Variants in LRCH1 observed in about 807,000 individuals in gnomAD.
LRCH1 encodes leucine-rich repeat and calponin homology domain-containing protein 1.
Under a neutral mutation model 94.9 loss-of-function variants are expected in LRCH1, and 23 were observed. That is an observed-to-expected ratio of 0.24 (90% CI 0.17 to 0.34). The LOEUF (loss-of-function observed/expected upper bound fraction) is 0.34, where lower values mean the gene tolerates loss of function less well. Among genes scored for constraint, LRCH1 ranks in the 10% least tolerant of loss-of-function variants. The probability of loss-of-function intolerance (pLI) is 1.00; values close to 1 mark genes in which losing one functional copy is unlikely to be tolerated. For missense variants in LRCH1, 790 were observed against 945.9 expected (o/e 0.84, Z 2.16); for synonymous variants, 364 against 354.9 (o/e 1.03, Z -0.29).
At chr13:46,562,304 C>T (rs1159294599) in intron 1 of LRCH1, among the ~76,000 whole-genome samples, 1 of 152,198 alleles carries the variant, frequency 6.6e-6, no homozygotes, top group African/African-American at 2.4e-5. Flanking sequence ...GTGGCTTAGA[C>T]AACAGAAATT....
In LRCH1 at chr13:46,558,572, C is replaced by CAAAAAAAAAAAAAAAAA. The variant is rs575874794; in HGVS notation, c.307+4879_307+4895dup. 1.4e-3 allele frequency among the ~76,000 whole-genome samples: 48 copies of CAAAAAAAAAAAAAAAAA among 34,388 alleles called. 4 individuals are homozygous for CAAAAAAAAAAAAAAAAA. The highest frequency in any genetic ancestry group is 2.8e-3 in the East Asian group (3 of 1,060). 22.6% of individuals were successfully genotyped at this position (34,388 alleles called of 152,430 possible). A position where few individuals can be genotyped will look rare whatever the true frequency, so the allele number is the denominator to read the frequency against. On this transcript the variant is annotated intron_variant, in intron 1 of 19. Transcript: ENST00000389797. ...CCAAGACGGTGAAACCCTGTGTCTA[C>CAAAAAAAAAAAAAAAAA]AAAAAAAAAAAAAAAAAAAAAAAAA...
At chr13:46,561,578 T>C (rs79104838) in intron 1 of LRCH1, among the ~76,000 whole-genome samples, 1 of 152,230 alleles carries the variant, frequency 6.6e-6, no homozygotes, top group African/African-American at 2.4e-5. Flanking sequence ...TTTTGATGTT[T>C]ATGCCATACA....
intron 3 of LRCH1, among the ~76,000 whole-genome samples, chr13:46,669,796 C>A (rs1402087031): frequency 6.6e-6 from 1 of 151,898 alleles, no homozygotes; most frequent in Admixed American, 6.6e-5. Context: ...TTCCATTGAG[C>A]TAACATAGGT....
At position 46,723,292 on chromosome 13, in the gene LRCH1, A is replaced by G; in HGVS notation, c.1831A>G (p.Met611Val). 1 of 1,613,830 alleles carries G rather than the reference A, an allele frequency of 6.2e-7. No homozygotes were observed. The highest frequency in any genetic ancestry group is 8.5e-7 in the Non-Finnish European group (1 of 1,179,682). Reference protein sequence around the residue: ...QFTIRRKMEQMREEKELVEQL... With the variant: ...QFTIRRKMEQVREEKELVEQL... Reference sequence around the variant, plus strand: ...TACAATCCGGAGGAAAATGGAGCAGATGAGAGAAGAGAAAGAGCTGGTGGA... The same window carrying G: ...TACAATCCGGAGGAAAATGGAGCAGGTGAGAGAAGAGAAAGAGCTGGTGGA... Residue 611 changes from methionine (M) to valine (V), a missense_variant, in exon 17 of 20, where the codon ATG (methionine) becomes GTG (valine). Physicochemically the swap from Met to Val is conservative, Grantham distance 21. This residue lies in a region of LRCH1 where 460 missense variants were observed against 508.9 expected (regional missense o/e 0.90). Transcript: ENST00000389797.
chr13:46,717,124 G>A (rs9590988), intron 16 of LRCH1, among the ~76,000 whole-genome samples: 2,771 of 151,718 alleles, frequency 0.018, 70 homozygotes, highest in African/African-American at 0.063. Context: ...CTTTATAGAC[G>A]AACAGACTAA....
chr13:46,589,411 C>T (rs917720655), intron 1 of LRCH1, among the ~76,000 whole-genome samples: 6 of 151,836 alleles, frequency 4.0e-5, no homozygotes, highest in South Asian at 2.1e-4. Flanking sequence ...GAAAAATGAA[C>T]GATAATTTTC....
intron 1 of LRCH1, among the ~76,000 whole-genome samples, chr13:46,614,592 G>C (rs756609729): frequency 6.6e-6 from 1 of 152,124 alleles, no homozygotes; most frequent in Non-Finnish European, 1.5e-5. Context: ...GGTAAATACT[G>C]TTTCCCAATT....
At chr13:46,564,059 TGG>T (rs2050156830) in intron 1 of LRCH1, among the ~76,000 whole-genome samples, 1 of 152,068 alleles carries the variant, frequency 6.6e-6, no homozygotes, top group Non-Finnish European at 1.5e-5. Flanking sequence ...GGTCCAAACC[TGG>T]GGAGAATAAG....
chr13:46,644,115 C>T (rs2051192185), intron 1 of LRCH1, among the ~76,000 whole-genome samples: 1 of 152,084 alleles, frequency 6.6e-6, no homozygotes, highest in Non-Finnish European at 1.5e-5. Context: ...GCGTTGGGCA[C>T]AAAAGTGACA....
At chr13:46,639,071 A>G (rs1566192999) in intron 1 of LRCH1, among the ~76,000 whole-genome samples, 1 of 152,220 alleles carries the variant, frequency 6.6e-6, no homozygotes. Context: ...TTTTATTATA[A>G]AAGGCTTTCT....
At position 46,695,749 on chromosome 13, in the gene LRCH1, A is replaced by G. The variant is rs1005953480; in HGVS notation, c.1245+732A>G. Among the ~76,000 whole-genome samples the G allele has an allele frequency of 7.9e-5, 12 of 152,302 alleles. No homozygotes were observed. In the South Asian group the frequency reaches 1.7e-3, roughly 21 times the overall value. On this transcript the variant is annotated intron_variant, in intron 9 of 19. Coordinates refer to ENST00000389797, the MANE Select transcript of LRCH1 (RefSeq NM_001164211.2). ...CTGAGTTATTATGTTGAAGCCAAGA[A>G]TGGGATCCCTAAGTACTCATCTTTA...
intron 16 of LRCH1, 77 bp downstream of exon 16, chr13:46,715,741 G>C: frequency 2.3e-6 from 2 of 879,542 alleles, no homozygotes; most frequent in Non-Finnish European, 3.6e-6. Context: ...TCTCTGTGCA[G>C]CTGAAGATAG....
At chr13:46,593,232 T>C (rs1466663745) in intron 1 of LRCH1, among the ~76,000 whole-genome samples, 1 of 151,432 alleles carries the variant, frequency 6.6e-6, no homozygotes, top group East Asian at 1.9e-4. Flanking sequence ...TCAACAAGAC[T>C]TGAAATAAAA....
In LRCH1 at chr13:46,734,080, A is replaced by C. The variant is rs1873249587; in HGVS notation, c.2085+82A>C. On this transcript the variant is annotated intron_variant, in intron 19 of 19. Transcript: ENST00000389797. ...TGAGTTTGAACCATTGAATCGATGC[A>C]AAGCTTTGTACATGCTTTTTTGTCT... 4.6e-6 allele frequency: 3 copies of C among 650,602 alleles called. No homozygotes were observed. The Admixed American group carries it at 9.4e-5, about 20-fold the overall frequency. 40.3% of individuals were successfully genotyped at this position (650,602 alleles called of 1,614,324 possible). A position where few individuals can be genotyped will look rare whatever the true frequency, so the allele number is the denominator to read the frequency against.
rs1322632142 is a variant in LRCH1, at chr13:46,685,985, A to G, written c.766A>G (p.Lys256Glu). 8 of 1,610,702 alleles carry G rather than the reference A, an allele frequency of 5.0e-6. No individual in the cohort carries two copies. The East Asian group carries it at 1.6e-4, about 31-fold the overall frequency. ...LVIPICFREMKQLQVLLLENN... is the reference protein window; with the variant it reads ...LVIPICFREMEQLQVLLLENN... ...GATTCCAATTTGTTTTAGAGAGATG[A>G]AGCAGCTGCAAGTGTTACTACTTGA... The change falls in exon 5 of 20, where the codon AAG (lysine) becomes GAG (glutamate). Residue 256 changes from lysine (K) to glutamate (E), a missense_variant. This residue lies in a region of LRCH1 where 194 missense variants were observed against 293.5 expected (regional missense o/e 0.66). Coordinates refer to ENST00000389797, the MANE Select transcript of LRCH1 (RefSeq NM_001164211.2).
intron 11 of LRCH1, among the ~76,000 whole-genome samples, chr13:46,702,450 C>T (rs1056264678): frequency 9.9e-5 from 15 of 151,998 alleles, no homozygotes; most frequent in Non-Finnish European, 1.6e-4. Context: ...TGCAGCGAGC[C>T]GAGATCGTGC....
At chr13:46,599,920 C>T (rs2050607827) in intron 1 of LRCH1, among the ~76,000 whole-genome samples, 1 of 152,248 alleles carries the variant, frequency 6.6e-6, no homozygotes, top group African/African-American at 2.4e-5. Context: ...CCTGTGTTAA[C>T]TCTTTAGCCC....
rs1209898000 is a variant in LRCH1 at position 46,614,544 on chromosome 13, C to CT, written c.308-35650dup. Among the ~76,000 whole-genome samples, 8 of 152,270 alleles carry CT rather than the reference C, an allele frequency of 5.3e-5. No individual in the cohort carries two copies. In the East Asian group the frequency reaches 1.5e-3, roughly 29 times the overall value. ...GGAAAAGCATGCACAGTTAAGGAAA[C>CT]TTTTTTTAAAAAGTTTTAATAAAAT... On this transcript the variant is annotated intron_variant, in intron 1 of 19. Coordinates refer to ENST00000389797, the MANE Select transcript of LRCH1 (RefSeq NM_001164211.2).
At chr13:46,695,336 A>G (rs1318619908) in intron 9 of LRCH1, among the ~76,000 whole-genome samples, 1 of 152,252 alleles carries the variant, frequency 6.6e-6, no homozygotes, top group East Asian at 1.9e-4. Flanking sequence ...ATTCTTTTCA[A>G]CATGTTCTAG....
Sources: gnomAD v4.1 joint callset for allele counts (sites outside exome capture counted in the v4.1 genomes callset) on GRCh38, gnomAD v4.1.1 for gene constraint, gnomAD v4.1.1 regional missense constraint, MANE v1.5 for transcripts, NCBI Gene and HGNC (gene_info 2026-07-23, HGNC 2026-07-21) for gene names.